The following BBX variants were observed in gnomAD, a reference collection of about 807,000 sequenced individuals.
The protein encoded by BBX is BBX high mobility group box domain containing.
A neutral mutation model predicts 100.2 loss-of-function variants in BBX; 30 were observed. The ratio of observed to expected loss-of-function variants is 0.30; its 90% CI spans 0.22 to 0.41. The LOEUF (loss-of-function observed/expected upper bound fraction) is 0.41, where lower values mean the gene tolerates loss of function less well. Ranked by LOEUF, BBX falls within the 10% of genes least tolerant of loss-of-function variation. BBX has a pLI of 1.00. For synonymous variants in BBX, 376 were observed against 388.1 expected, an observed-to-expected ratio of 0.97 and a Z score of 0.37; for missense variants, 1,023 against 1,129.8, an observed-to-expected ratio of 0.91 and a Z score of 1.35.
At position 107,808,555 on chromosome 3, in the gene BBX, GT is replaced by G. The variant is rs1410240396; in HGVS notation, c.*3099del. 1 of 152,126 alleles carries G rather than the reference GT, an allele frequency of 6.6e-6. No individual in the cohort carries two copies. The highest frequency in any genetic ancestry group is 1.5e-5 in the Non-Finnish European group (1 of 68,032). 9.4% of individuals were successfully genotyped at this position (152,126 alleles called of 1,614,324 possible). ...TATTTCCTATGTAATTTTGAAGTGT[GT>G]AGAGTATATTATAGTAACTGAAGCT... On this transcript the variant is annotated 3_prime_UTR_variant, in exon 18 of 18. Coordinates refer to ENST00000325805, the MANE Select transcript of BBX (RefSeq NM_001142568.3).
At chr3:107,700,459 T>C (rs1327812597) in intron 3 of BBX, among the ~76,000 whole-genome samples, 2 of 148,214 alleles carry the variant, frequency 1.3e-5, no homozygotes, top group Non-Finnish European at 3.0e-5. Flanking sequence ...TTATTATACT[T>C]TAAGTTTTAG....
At chr3:107,734,265 A>G (rs2107538762) in intron 7 of BBX, among the ~76,000 whole-genome samples, 1 of 152,336 alleles carries the variant, frequency 6.6e-6, no homozygotes, top group South Asian at 2.1e-4. Context: ...TAACAGAATT[A>G]TTTTGATTCT....
At chr3:107,714,296 C>T (rs937027778) in intron 4 of BBX, among the ~76,000 whole-genome samples, 1 of 152,130 alleles carries the variant, frequency 6.6e-6, no homozygotes, top group Non-Finnish European at 1.5e-5. Context: ...CAATGTAGCT[C>T]AGGCAACCTT....
At chr3:107,626,946 C>G (rs965857319) in intron 2 of BBX, among the ~76,000 whole-genome samples, 3 of 152,148 alleles carry the variant, frequency 2.0e-5, no homozygotes, top group African/African-American at 7.2e-5. Flanking sequence ...GCCACCGCAC[C>G]TGGCCTTCCA....
chr3:107,527,913 A>G (rs973830031), intron 2 of BBX, among the ~76,000 whole-genome samples: 7 of 152,216 alleles, frequency 4.6e-5, no homozygotes, highest in African/African-American at 1.7e-4. Context: ...TGTTAGGCAC[A>G]TTATTTTGTT....
At chr3:107,779,004 TATATATATATATATATACACACAC>T (rs1410727239) in intron 13 of BBX, among the ~76,000 whole-genome samples, 5 of 70,450 alleles carry the variant, frequency 7.1e-5, no homozygotes, top group South Asian at 4.1e-4. Flanking sequence ...CATATATATA[TATATATATATATATATACACACAC>T]ACACACACAT....
rs190215978 is a variant in BBX at position 107,773,867 on chromosome 3, A to G, written c.1915+231A>G. Among the ~76,000 whole-genome samples the G allele has an allele frequency of 1.9e-3, 294 of 152,310 alleles. No homozygotes were observed. The highest frequency in any genetic ancestry group is 6.9e-3 in the African/African-American group (285 of 41,576). ...TGTAGGTAGTTCTCAGGATGTAATTAAAGTAATTTTAATCTCTTCTTTCCC... is the reference window on the plus strand; with the variant it reads ...TGTAGGTAGTTCTCAGGATGTAATTGAAGTAATTTTAATCTCTTCTTTCCC... On this transcript the variant is annotated intron_variant, in intron 11 of 17. Coordinates refer to ENST00000325805, the MANE Select transcript of BBX (RefSeq NM_001142568.3). The surrounding 1 kb of genome is among the most constrained non-coding windows in gnomAD (Gnocchi z 4.1).
Position 107,728,469 on chromosome 3 carries a change from C to T in BBX, c.406-296C>T, listed in dbSNP as rs146723930. On this transcript the variant is annotated intron_variant, in intron 5 of 17. Coordinates refer to ENST00000325805, the MANE Select transcript of BBX (RefSeq NM_001142568.3). ...CCTAGGCTCATTCCATTATAAACAA[C>T]TCCCTTTCCCCACCGAGGTCAGAAA... Among the ~76,000 whole-genome samples, 945 of 152,270 alleles carry T rather than the reference C, an allele frequency of 6.2e-3. 9 individuals carry two copies. The highest frequency in any genetic ancestry group is 0.022 in the African/African-American group (897 of 41,558).
intron 2 of BBX, among the ~76,000 whole-genome samples, chr3:107,610,297 G>A (rs983738170): frequency 6.6e-6 from 1 of 152,122 alleles, no homozygotes; most frequent in East Asian, 1.9e-4. Flanking sequence ...TTTTTAGAAT[G>A]ATCCATGTGC....
intron 2 of BBX, among the ~76,000 whole-genome samples, chr3:107,549,736 C>G (rs1192295370): frequency 3.9e-5 from 6 of 152,100 alleles, no homozygotes; most frequent in Admixed American, 2.6e-4. Context: ...CATGTGCATT[C>G]CTTGCAGCTG....
chr3:107,588,489 G>T (rs115876159), intron 2 of BBX, among the ~76,000 whole-genome samples: 2 of 152,082 alleles, frequency 1.3e-5, no homozygotes, highest in Non-Finnish European at 1.5e-5. Flanking sequence ...GATGAGAGGG[G>T]TGTGGCACAC....
intron 4 of BBX, among the ~76,000 whole-genome samples, chr3:107,713,653 CTG>C (rs1317560854): frequency 9.2e-5 from 14 of 152,124 alleles, no homozygotes; most frequent in African/African-American, 3.1e-4. Flanking sequence ...AGTTGACAAA[CTG>C]TGTCAAATCA....
chr3:107,747,654 C>CTT (rs537583023), intron 8 of BBX, among the ~76,000 whole-genome samples: 3 of 143,222 alleles, frequency 2.1e-5, no homozygotes, highest in African/African-American at 7.7e-5. Flanking sequence ...ACATTTTTTC[C>CTT]TTTTTTTTTT....
chr3:107,665,917 A>G (rs2058717352), intron 3 of BBX, among the ~76,000 whole-genome samples: 2 of 152,014 alleles, frequency 1.3e-5, no homozygotes, highest in South Asian at 4.1e-4. Context: ...CTTCCTTTCT[A>G]TTGTGGTTCC....
intron 10 of BBX, among the ~76,000 whole-genome samples, chr3:107,756,173 G>C (rs1388654782): frequency 6.6e-6 from 1 of 152,060 alleles, no homozygotes; most frequent in East Asian, 1.9e-4. Context: ...CTCTTCCATT[G>C]GCAAAGTAGA....
chr3:107,563,835 T>C (rs1438803358), intron 2 of BBX, among the ~76,000 whole-genome samples: 1 of 152,180 alleles, frequency 6.6e-6, no homozygotes, highest in East Asian at 1.9e-4. Context: ...AGCAAATGTT[T>C]GTGTTTGGAT....
intron 2 of BBX, among the ~76,000 whole-genome samples, chr3:107,588,225 G>T (rs2053012771): frequency 6.6e-6 from 1 of 152,140 alleles, no homozygotes; most frequent in African/African-American, 2.4e-5. Flanking sequence ...TTATGGAGGG[G>T]AGGTGTATGA....
intron 6 of BBX, among the ~76,000 whole-genome samples, chr3:107,730,967 T>G (rs2063281187): frequency 6.6e-6 from 1 of 152,174 alleles, no homozygotes; most frequent in Non-Finnish European, 1.5e-5. Context: ...GAATCTCTTT[T>G]GTTTTGCTTG....
chr3:107,697,781 C>T (rs1261784271), intron 3 of BBX, among the ~76,000 whole-genome samples: 1 of 151,690 alleles, frequency 6.6e-6, no homozygotes, highest in Non-Finnish European at 1.5e-5. Flanking sequence ...CAATGGCGGG[C>T]GCCCCTCCCC....
Sources: allele counts gnomAD v4.1 joint callset (sites outside exome capture counted in the v4.1 genomes callset), GRCh38; gene constraint gnomAD v4.1.1; non-coding constraint Gnocchi (gnomAD v3.1); transcripts MANE v1.5; gene names NCBI Gene and HGNC (gene_info 2026-07-23, HGNC 2026-07-21).